Variants in MEGF11 observed in about 807,000 individuals in gnomAD.
The protein encoded by MEGF11 is multiple epidermal growth factor-like domains protein 11.
In MEGF11, 126 loss-of-function variants were observed where a neutral mutation model predicts 146.6. That is an observed-to-expected ratio of 0.86 (90% CI 0.74 to 1.00). The LOEUF (loss-of-function observed/expected upper bound fraction) is 1.00. Ranked by LOEUF, MEGF11 falls within the 50% of genes least tolerant of loss-of-function variation. The pLI is 0.00. For missense variants in MEGF11, 1,509 were observed against 1,521.2 expected (o/e 0.99, Z 0.13); for synonymous variants, 532 against 583.4 (o/e 0.91, Z 1.27).
At chr15:66,006,757 A>G (rs2082532638) in intron 5 of MEGF11, among the ~76,000 whole-genome samples, 1 of 152,250 alleles carries the variant, frequency 6.6e-6, no homozygotes, top group African/African-American at 2.4e-5. Context: ...AGAGCAGAGC[A>G]GTGAACATGG....
chr15:66,041,426 C>G (rs957975978), intron 5 of MEGF11, among the ~76,000 whole-genome samples: 1 of 152,242 alleles, frequency 6.6e-6, no homozygotes, highest in Admixed American at 6.5e-5. Flanking sequence ...GTGAATGGAA[C>G]TGTGCATGAG....
chr15:66,094,302 G>T (rs112003003), intron 5 of MEGF11, 100 bp downstream of exon 5: 71 of 944,632 alleles, frequency 7.5e-5, no homozygotes, highest in Admixed American at 1.0e-4. Flanking sequence ...ACCCCAAGTC[G>T]CCCCAGCACA....
intron 15 of MEGF11, among the ~76,000 whole-genome samples, chr15:65,920,578 T>C (rs1315596915): frequency 1.3e-5 from 2 of 152,186 alleles, no homozygotes; most frequent in African/African-American, 4.8e-5. Context: ...GCTAATATGA[T>C]CAATCTAATC....
chr15:65,896,503 A>G lies in MEGF11; in HGVS notation c.*1431T>C, dbSNP rs546890105. The G allele has an allele frequency of 6.5e-6, 1 of 152,682 alleles. No homozygotes were observed. Among genetic ancestry groups the G allele is most frequent in the South Asian group, 2.1e-4 (1 of 4,828 alleles). 9.5% of individuals were successfully genotyped at this position (152,682 alleles called of 1,614,324 possible). ...TTCCTCTTCTGTGTATCTTTTTGGA[A>G]GTGTTTTTTACTGGCTGGACTGTAC... On this transcript the variant is annotated 3_prime_UTR_variant, in exon 26 of 26. Transcript: ENST00000395614.
intron 1 of MEGF11, among the ~76,000 whole-genome samples, chr15:66,169,703 T>C (rs1342306070): frequency 6.6e-6 from 1 of 152,282 alleles, no homozygotes; most frequent in African/African-American, 2.4e-5. Flanking sequence ...TTTTCTTTTT[T>C]GCAGCTAATC....
At chr15:65,962,408 G>A (rs1207142369) in intron 9 of MEGF11, among the ~76,000 whole-genome samples, 4 of 152,132 alleles carry the variant, frequency 2.6e-5, no homozygotes, top group Non-Finnish European at 2.9e-5. Context: ...GTGGAAGAAG[G>A]GTGCTACTGG....
rs138448845 is a variant in MEGF11, at chr15:66,176,580, C to T, written c.-8-48169G>A. The stretch of plus-strand genomic sequence containing the variant: ...ATCTCAAGAACTCAATGGGCACACA[C>T]GGCTAGTGGCTACTGCAATGGCCAG... On this transcript the variant is annotated intron_variant, in intron 1 of 25. Transcript: ENST00000395614. Among the ~76,000 whole-genome samples the T allele has an allele frequency of 2.7e-3, 418 of 152,330 alleles. 2 individuals carry two copies. Among genetic ancestry groups the T allele is most frequent in the African/African-American group, 9.8e-3 (407 of 41,572 alleles).
At chr15:65,911,875 C>T (rs529706137) in intron 21 of MEGF11, among the ~76,000 whole-genome samples, 6 of 152,316 alleles carry the variant, frequency 3.9e-5, no homozygotes, top group South Asian at 4.1e-4. Context: ...GTTGGTTACA[C>T]GGCACTCCAC....
intron 5 of MEGF11, among the ~76,000 whole-genome samples, chr15:66,081,742 G>C (rs1008693467): frequency 6.6e-6 from 1 of 152,204 alleles, no homozygotes; most frequent in Non-Finnish European, 1.5e-5. Flanking sequence ...GTCCCCCAGG[G>C]AAGACCTGGA....
At chr15:66,109,578 G>C (rs1438720479) in intron 4 of MEGF11, among the ~76,000 whole-genome samples, 1 of 152,182 alleles carries the variant, frequency 6.6e-6, no homozygotes, top group Admixed American at 6.5e-5. Flanking sequence ...AGAAAGCCGA[G>C]GTATGGAGAG....
At chr15:66,195,384 A>G (rs1009211538) in intron 1 of MEGF11, among the ~76,000 whole-genome samples, 1 of 152,244 alleles carries the variant, frequency 6.6e-6, no homozygotes, top group Non-Finnish European at 1.5e-5. Flanking sequence ...AGCAGATAAC[A>G]GGGACTCTGG....
At chr15:65,916,563 CA>C (rs1288297000) in intron 17 of MEGF11, 16 of 692,576 alleles carry the variant, frequency 2.3e-5, no homozygotes, top group Non-Finnish European at 3.9e-5. Flanking sequence ...CCCCACTGTC[CA>C]AGGAAGGTCT....
intron 1 of MEGF11, among the ~76,000 whole-genome samples, chr15:66,160,664 GAC>G (rs3221608): frequency 0.018 from 2,443 of 137,540 alleles, 24 homozygotes; most frequent in Middle Eastern, 0.041. Flanking sequence ...GCCCTAAGGG[GAC>G]ACACACACAC....
intron 1 of MEGF11, among the ~76,000 whole-genome samples, chr15:66,209,748 G>C (rs1200400917): frequency 1.3e-5 from 2 of 152,074 alleles, no homozygotes; most frequent in Admixed American, 6.6e-5. Flanking sequence ...GGTTGCCTGG[G>C]GTTTAGGAAG....
intron 10 of MEGF11, among the ~76,000 whole-genome samples, chr15:65,943,307 A>G (rs1055142771): frequency 6.6e-6 from 1 of 152,138 alleles, no homozygotes; most frequent in Non-Finnish European, 1.5e-5. Context: ...GTGCCAAAAA[A>G]ATTGCCTCTA....
intron 6 of MEGF11, 99 bp from the exon 7 acceptor site, chr15:65,980,997 G>A (rs1016954965): frequency 2.1e-6 from 3 of 1,413,054 alleles, no homozygotes; most frequent in Non-Finnish European, 2.8e-6. Context: ...CGCAGTTAAT[G>A]GATCTGTATT....
chr15:65,932,069 G>T (rs552608045), intron 10 of MEGF11, among the ~76,000 whole-genome samples: 1 of 152,190 alleles, frequency 6.6e-6, no homozygotes, highest in Non-Finnish European at 1.5e-5. Context: ...GAATAATCCC[G>T]ATGAGAATAA....
intron 5 of MEGF11, among the ~76,000 whole-genome samples, chr15:66,002,745 C>A (rs1043719463): frequency 1.3e-5 from 2 of 152,150 alleles, no homozygotes; most frequent in Non-Finnish European, 2.9e-5. Flanking sequence ...CAGGGCTGAG[C>A]AGGCTGTTCG....
At chr15:66,211,295 G>A (rs1386718135) in intron 1 of MEGF11, among the ~76,000 whole-genome samples, 7 of 152,196 alleles carry the variant, frequency 4.6e-5, no homozygotes, top group African/African-American at 4.8e-5. Flanking sequence ...AGGCCAAGGT[G>A]GGCGGATCAC....
Sources: allele counts gnomAD v4.1 joint callset (sites outside exome capture counted in the v4.1 genomes callset), GRCh38; gene constraint gnomAD v4.1.1; transcripts MANE v1.5; gene names NCBI Gene and HGNC (gene_info 2026-07-23, HGNC 2026-07-21).